CTNNA2: variants seen among roughly 807,000 people sequenced by gnomAD.
The protein encoded by CTNNA2 is catenin alpha-2.
Under a neutral mutation model 101.0 loss-of-function variants are expected in CTNNA2, and 42 were observed. That is an observed-to-expected ratio of 0.42 (90% confidence interval 0.32 to 0.54). CTNNA2 has a LOEUF of 0.54. Among genes scored for constraint, CTNNA2 ranks in the 20% least tolerant of loss-of-function variants. CTNNA2 has a pLI of 0.14. For missense variants in CTNNA2, 871 were observed against 1,223.1 expected, an observed-to-expected ratio of 0.71 and a Z score of 4.29; for synonymous variants, 450 against 456.4, an observed-to-expected ratio of 0.99 and a Z score of 0.18.
intron 9 of CTNNA2, among the ~76,000 whole-genome samples, chr2:80,457,572 C>G (rs568911313): frequency 1.6e-3 from 245 of 152,062 alleles, no homozygotes; most frequent in Middle Eastern, 3.4e-3. Context: ...TATACAAACT[C>G]CTTACTAGGC....
intron 7 of CTNNA2, among the ~76,000 whole-genome samples, chr2:79,957,090 A>G (rs1689293350): frequency 6.6e-6 from 1 of 152,022 alleles, no homozygotes; most frequent in Non-Finnish European, 1.5e-5. Flanking sequence ...AGAGATAGGC[A>G]GTGCACTGTC....
intron 13 of CTNNA2, among the ~76,000 whole-genome samples, chr2:80,576,958 C>T (rs1270915351): frequency 6.6e-6 from 1 of 151,896 alleles, no homozygotes; most frequent in Non-Finnish European, 1.5e-5. Context: ...TGGAGCATTG[C>T]CAGATATTTT....
intron 2 of CTNNA2, among the ~76,000 whole-genome samples, chr2:79,242,987 T>C (rs895934410): frequency 0.097 from 5,239 of 54,016 alleles, 273 homozygotes; most frequent in African/African-American, 0.18. Context: ...TATATATATA[T>C]ATATATACAC....
At chr2:79,634,316 C>A (rs1232168906) in intron 1 of CTNNA2, among the ~76,000 whole-genome samples, 1 of 152,110 alleles carries the variant, frequency 6.6e-6, no homozygotes, top group African/African-American at 2.4e-5. Context: ...GCTCTTTAAG[C>A]TGTCAGTACT....
chr2:80,079,771 G>T (rs560449557), intron 7 of CTNNA2, among the ~76,000 whole-genome samples: 1 of 149,764 alleles, frequency 6.7e-6, no homozygotes, highest in African/African-American at 2.5e-5. Context: ...CCGGGATTGC[G>T]CCACTGCACT....
chr2:80,486,666 A>C (rs971109103), intron 9 of CTNNA2, among the ~76,000 whole-genome samples: 11 of 152,128 alleles, frequency 7.2e-5, no homozygotes, highest in Non-Finnish European at 1.5e-4. Context: ...TTTTGGAATC[A>C]GTTTTTTCAT....
intron 11 of CTNNA2, among the ~76,000 whole-genome samples, chr2:80,553,641 C>G (rs1359633772): frequency 1.3e-5 from 2 of 152,158 alleles, no homozygotes; most frequent in African/African-American, 4.8e-5. Flanking sequence ...GAAACTTTGT[C>G]CATTCTTGTA....
Position 80,546,392 on chromosome 2 carries a change from T to C in CTNNA2, c.1540+329T>C, listed in dbSNP as rs113406763. ...AAAAAAGGGCCAGGGAATATGGGAT[T>C]CATTAATCTACACAGTTTATGTCTT... On this transcript the variant is annotated intron_variant, in intron 11 of 18. Transcript: ENST00000402739. Among the ~76,000 whole-genome samples the C allele has an allele frequency of 8.1e-3, 1,229 of 152,102 alleles. 27 individuals carry two copies. The highest frequency in any genetic ancestry group is 0.026 in the African/African-American group (1,076 of 41,474).
At chr2:79,457,453 C>T (rs1188749977) in intron 4 of CTNNA2, among the ~76,000 whole-genome samples, 1 of 151,920 alleles carries the variant, frequency 6.6e-6, no homozygotes, top group Non-Finnish European at 1.5e-5. Context: ...GATTTTCAAA[C>T]ATGAAAGGAA....
intron 11 of CTNNA2, among the ~76,000 whole-genome samples, chr2:80,554,801 A>G (rs965888031): frequency 8.5e-5 from 13 of 152,222 alleles, no homozygotes; most frequent in Non-Finnish European, 4.4e-5. Context: ...TACAAAGAGC[A>G]CTAAACTTTT....
intron 7 of CTNNA2, among the ~76,000 whole-genome samples, chr2:79,996,415 A>C (rs1275607472): frequency 6.6e-6 from 1 of 152,208 alleles, no homozygotes; most frequent in East Asian, 1.9e-4. Context: ...TTTGAGATCC[A>C]TGAGAAGTTT....
In CTNNA2 at chr2:79,504,763, A is replaced by G. The variant is rs539514008; in HGVS notation, c.-134-291A>G. On this transcript the variant is annotated intron_variant, in intron 4 of 21. Transcript: ENST00000466387. ...TCTTGATCAGGAGAAACATCATGTC[A>G]TTGTCTTTTTAGTTGTATTAAAATT... 2.6e-5 allele frequency among the ~76,000 whole-genome samples: 4 copies of G among 152,282 alleles called. 1 individual carries two copies. The East Asian group carries it at 7.7e-4, about 29-fold the overall frequency.
intron 18 of CTNNA2, among the ~76,000 whole-genome samples, chr2:80,640,764 G>A (rs574975517): frequency 1.3e-5 from 2 of 152,122 alleles, no homozygotes; most frequent in Non-Finnish European, 2.9e-5. Flanking sequence ...CTGACTTGTA[G>A]CAAAATTTTT....
At chr2:79,670,342 G>A (rs1003704951) in intron 2 of CTNNA2, among the ~76,000 whole-genome samples, 14 of 152,172 alleles carry the variant, frequency 9.2e-5, no homozygotes, top group Admixed American at 6.5e-5. Context: ...AGTTTAGGGA[G>A]CTGTAGCCCC....
intron 7 of CTNNA2, among the ~76,000 whole-genome samples, chr2:80,068,837 C>T (rs567759126): frequency 6.6e-6 from 1 of 152,162 alleles, no homozygotes; most frequent in Admixed American, 6.5e-5. Flanking sequence ...TTCTTATACC[C>T]CTGACTAGTG....
chr2:80,491,346 A>G lies in CTNNA2; in HGVS notation c.1291-53636A>G, dbSNP rs1687042174. Among the ~76,000 whole-genome samples the G allele has an allele frequency of 2.6e-5, 4 of 152,306 alleles. No homozygotes were observed. In the South Asian group the frequency reaches 8.3e-4, roughly 32 times the overall value. On this transcript the variant is annotated intron_variant, in intron 9 of 18. Transcript: ENST00000402739. The stretch of plus-strand genomic sequence containing the variant: ...CTACTTGCAGACCTAACTCCAGCCC[A>G]AGGTGGGAGAACGGCATGATCACCG...
chr2:79,799,342 G>A (rs909269832), intron 3 of CTNNA2, among the ~76,000 whole-genome samples: 6 of 151,296 alleles, frequency 4.0e-5, no homozygotes, highest in South Asian at 2.1e-4. Flanking sequence ...ACCACACCCC[G>A]CCTGTAATAT....
At chr2:79,723,666 T>C (rs1441785968) in intron 2 of CTNNA2, among the ~76,000 whole-genome samples, 1 of 152,178 alleles carries the variant, frequency 6.6e-6, no homozygotes, top group Non-Finnish European at 1.5e-5. Flanking sequence ...CTCTACCTTA[T>C]AGATTAGGGA....
chr2:80,528,487 T>A (rs1220662676), intron 9 of CTNNA2, among the ~76,000 whole-genome samples: 1 of 152,124 alleles, frequency 6.6e-6, no homozygotes, highest in African/African-American at 2.4e-5. Context: ...TGAGCCACCG[T>A]GCCCAGCCCT....
Sources: allele counts gnomAD v4.1 joint callset (sites outside exome capture counted in the v4.1 genomes callset), GRCh38; gene constraint gnomAD v4.1.1; transcripts MANE v1.5; gene names NCBI Gene and HGNC (gene_info 2026-07-23, HGNC 2026-07-21).